Variants in GUCY1A2 observed in about 807,000 individuals in gnomAD.
GUCY1A2 encodes the protein guanylate cyclase 1 soluble subunit alpha 2.
A neutral mutation model predicts 63.5 loss-of-function variants in GUCY1A2; 27 were observed. The ratio of observed to expected loss-of-function variants is 0.43; its 90% CI spans 0.31 to 0.59. The LOEUF (loss-of-function observed/expected upper bound fraction) is 0.59, where lower values mean the gene tolerates loss of function less well. Ranked by LOEUF, GUCY1A2 falls within the 20% of genes least tolerant of loss-of-function variation. GUCY1A2 has a pLI of 0.11. For missense variants in GUCY1A2, 768 were observed against 913.3 expected (o/e 0.84, Z 2.05); for synonymous variants, 364 against 343.5 (o/e 1.06, Z -0.66).
At chr11:106,841,809 A>C (rs558461874) in intron 4 of GUCY1A2, among the ~76,000 whole-genome samples, 17 of 152,094 alleles carry the variant, frequency 1.1e-4, no homozygotes, top group Admixed American at 1.1e-3. Context: ...GTGTATGAAC[A>C]TATATGCAAA....
intron 1 of GUCY1A2, among the ~76,000 whole-genome samples, chr11:106,988,827 A>T (rs992912447): frequency 1.9e-4 from 29 of 152,300 alleles, no homozygotes; most frequent in African/African-American, 7.0e-4. Flanking sequence ...ATCACCATGG[A>T]TTCATTCCAG....
chr11:106,970,704 C>T (rs576608904), intron 3 of GUCY1A2, among the ~76,000 whole-genome samples: 2 of 152,276 alleles, frequency 1.3e-5, no homozygotes, highest in South Asian at 4.1e-4. Context: ...CATAGTCCAA[C>T]AATTGCACTC....
At chr11:106,741,725 A>T (rs1391487102) in intron 6 of GUCY1A2, among the ~76,000 whole-genome samples, 1 of 152,204 alleles carries the variant, frequency 6.6e-6, no homozygotes, top group African/African-American at 2.4e-5. Flanking sequence ...TTTAGAAAAA[A>T]GTTTACAATG....
intron 4 of GUCY1A2, among the ~76,000 whole-genome samples, chr11:106,881,377 A>G (rs977297508): frequency 1.3e-5 from 2 of 152,056 alleles, no homozygotes; most frequent in African/African-American, 4.8e-5. Context: ...ATGAATTATT[A>G]TATTTACTAT....
At chr11:106,978,488 C>T (rs899570671) in intron 3 of GUCY1A2, 131 bp downstream of exon 3, 1 of 565,952 alleles carries the variant, frequency 1.8e-6, no homozygotes, top group African/African-American at 1.9e-5. Context: ...ACACCCATCA[C>T]TTCACAAGGT....
chr11:106,876,792 T>C (rs1286748910), intron 4 of GUCY1A2, among the ~76,000 whole-genome samples: 3 of 152,102 alleles, frequency 2.0e-5, no homozygotes, highest in African/African-American at 7.2e-5. Flanking sequence ...TCCATGCTTA[T>C]TTCAACTTCC....
chr11:106,731,504 C>G (rs1374875646), intron 6 of GUCY1A2, among the ~76,000 whole-genome samples: 1 of 152,034 alleles, frequency 6.6e-6, no homozygotes, highest in African/African-American at 2.4e-5. Context: ...CTCAACACTC[C>G]TATTCAAGAT....
rs36074221 is a variant in GUCY1A2 at position 106,775,477 on chromosome 11, G to GTT, written c.1836+960_1836+961dup. 9.0e-3 allele frequency among the ~76,000 whole-genome samples: 1,314 copies of GTT among 146,658 alleles called. 20 individuals carry two copies. Among genetic ancestry groups the GTT allele is most frequent in the African/African-American group, 0.029 (1,139 of 39,936 alleles). On this transcript the variant is annotated intron_variant, in intron 6 of 7. Coordinates refer to ENST00000526355, the MANE Select transcript of GUCY1A2 (RefSeq NM_000855.3). ...CTCTTAAGTTAAATTCACCAATTAC[G>GTT]TTTTTTTTTTTCAATCTACACACGT...
intron 6 of GUCY1A2, among the ~76,000 whole-genome samples, chr11:106,761,375 A>C (rs529868558): frequency 6.6e-6 from 1 of 152,290 alleles, no homozygotes; most frequent in South Asian, 2.1e-4. Flanking sequence ...AAGCTAAACC[A>C]CAAGAAAAGA....
chr11:106,705,497 A>G (rs750225616), intron 7 of GUCY1A2, among the ~76,000 whole-genome samples: 1 of 152,202 alleles, frequency 6.6e-6, no homozygotes, highest in Non-Finnish European at 1.5e-5. Flanking sequence ...AATACCATTT[A>G]TGAAAATTAA....
intron 4 of GUCY1A2, among the ~76,000 whole-genome samples, chr11:106,867,152 G>C (rs993844058): frequency 2.0e-5 from 3 of 152,082 alleles, no homozygotes; most frequent in Non-Finnish European, 2.9e-5. Context: ...TTCTCAAAGA[G>C]AGGTAATCAT....
chr11:106,729,087 T>C (rs528187754), intron 6 of GUCY1A2, among the ~76,000 whole-genome samples: 56 of 152,312 alleles, frequency 3.7e-4, no homozygotes, highest in African/African-American at 1.3e-3. Context: ...ACAGATGAGA[T>C]GTCTGCTTTT....
chr11:106,700,974 T>C (rs964428079), intron 7 of GUCY1A2, among the ~76,000 whole-genome samples: 8 of 152,158 alleles, frequency 5.3e-5, no homozygotes, highest in African/African-American at 1.9e-4. Context: ...TTCTAGCTAG[T>C]GTTTTTGACT....
At chr11:106,826,810 G>A in intron 4 of GUCY1A2, 1 of 1,609,330 alleles carries the variant, frequency 6.2e-7, no homozygotes, top group Non-Finnish European at 8.5e-7. Flanking sequence ...CTGCCAGGAT[G>A]TAGTACAGAT....
chr11:106,920,984 T>C (rs1860437044), intron 4 of GUCY1A2, among the ~76,000 whole-genome samples: 1 of 152,106 alleles, frequency 6.6e-6, no homozygotes, highest in South Asian at 2.1e-4. Context: ...ATGAACCTCA[T>C]TTTGATTTTT....
chr11:107,017,567 C>T (rs12793670), intron 1 of GUCY1A2, among the ~76,000 whole-genome samples, 186 bp downstream of exon 1: 1 of 152,104 alleles, frequency 6.6e-6, no homozygotes, highest in Non-Finnish European at 1.5e-5. Flanking sequence ...CTGTAGTCCC[C>T]TCTTCCGCCC....
chr11:106,986,270 T>G, intron 1 of GUCY1A2, 139 bp from the exon 2 acceptor site: 1 of 514,418 alleles, frequency 1.9e-6, no homozygotes, highest in Non-Finnish European at 3.4e-6. Flanking sequence ...CCATTTTGCA[T>G]CATGCCATGT....
chr11:106,991,153 C>CT (rs57771903), intron 1 of GUCY1A2, among the ~76,000 whole-genome samples: 264 of 146,856 alleles, frequency 1.8e-3, no homozygotes, highest in African/African-American at 5.7e-3. Context: ...CCATGCCCGG[C>CT]TTTTTTTTTT....
At chr11:106,865,566 C>T (rs1229573348) in intron 4 of GUCY1A2, among the ~76,000 whole-genome samples, 2 of 151,888 alleles carry the variant, frequency 1.3e-5, no homozygotes, top group Non-Finnish European at 2.9e-5. Flanking sequence ...AACCAAACAC[C>T]GCATGTTCTC....
Sources: gnomAD v4.1 joint callset for allele counts (sites outside exome capture counted in the v4.1 genomes callset) on GRCh38, gnomAD v4.1.1 for gene constraint, MANE v1.5 for transcripts, NCBI Gene and HGNC (gene_info 2026-07-23, HGNC 2026-07-21) for gene names.